FARS2: variants seen among roughly 807,000 people sequenced by gnomAD.
FARS2 encodes the protein phenylalanine--tRNA ligase, mitochondrial.
A neutral mutation model predicts 46.4 loss-of-function variants in FARS2; 40 were observed. The observed-to-expected ratio is 0.86, with a 90% confidence interval of 0.67 to 1.12. The LOEUF (loss-of-function observed/expected upper bound fraction) is 1.12, where lower values mean the gene tolerates loss of function less well. Among genes scored for constraint, FARS2 ranks in the 50% most tolerant of loss-of-function variants. The probability of loss-of-function intolerance (pLI) is 0.00; values close to 1 mark genes in which losing one functional copy is unlikely to be tolerated. For missense variants in FARS2, 513 were observed against 567.9 expected, an observed-to-expected ratio of 0.90 and a Z score of 0.98; for synonymous variants, 234 against 214.9, an observed-to-expected ratio of 1.09 and a Z score of -0.78.
At chr6:5,603,839 T>G (rs1774677795) in intron 5 of FARS2, among the ~76,000 whole-genome samples, 1 of 152,202 alleles carries the variant, frequency 6.6e-6, no homozygotes, top group Non-Finnish European at 1.5e-5. Flanking sequence ...CCACATTATC[T>G]TTTTTTGGGA....
At chr6:5,511,995 G>GT (rs1424281111) in intron 4 of FARS2, among the ~76,000 whole-genome samples, 1 of 152,150 alleles carries the variant, frequency 6.6e-6, no homozygotes, top group Non-Finnish European at 1.5e-5. Flanking sequence ...TTTCTCTTTT[G>GT]TGAGTATATT....
chr6:5,413,163 A>T (rs1762034061), intron 3 of FARS2, among the ~76,000 whole-genome samples: 1 of 152,184 alleles, frequency 6.6e-6, no homozygotes, highest in Non-Finnish European at 1.5e-5. Flanking sequence ...CTCTTTAGAG[A>T]AAGGTTGAGA....
intron 6 of FARS2, among the ~76,000 whole-genome samples, chr6:5,736,521 A>T (rs1760964485): frequency 6.6e-6 from 1 of 152,240 alleles, no homozygotes; most frequent in East Asian, 1.9e-4. Context: ...CAAATAGGGC[A>T]AGCAGCCCTT....
At chr6:5,459,658 TA>T (rs1006141769) in intron 4 of FARS2, among the ~76,000 whole-genome samples, 1 of 152,030 alleles carries the variant, frequency 6.6e-6, no homozygotes, top group Non-Finnish European at 1.5e-5. Context: ...TTACTCTTTT[TA>T]AAAAAAGACT....
Position 5,529,238 on chromosome 6 carries a change from C to T in FARS2, c.905-15942C>T, listed in dbSNP as rs370550786. On this transcript the variant is annotated intron_variant, in intron 4 of 6. Coordinates refer to ENST00000274680, the MANE Select transcript of FARS2 (RefSeq NM_006567.5). ...GTGATGAGCAAGTCAATGTTTCTTT[C>T]TCCTTCCTTTATATGGTATTGTTTG... Among the ~76,000 whole-genome samples, 267 of 152,250 alleles carry T rather than the reference C, an allele frequency of 1.8e-3. 1 individual carries two copies. The highest frequency in any genetic ancestry group is 3.5e-3 in the Admixed American group (53 of 15,290).
In FARS2 at chr6:5,311,126, T is replaced by C. The variant is rs941754178; in HGVS notation, c.-22+49466T>C. On this transcript the variant is annotated intron_variant, in intron 1 of 6. Coordinates refer to ENST00000274680, the MANE Select transcript of FARS2 (RefSeq NM_006567.5). This position sits in a 1 kb window ranked among gnomAD's most constrained non-coding sequence, Gnocchi z 4.1. ...GAGGCACTGGTTAAATAAATCATGG[T>C]GCATCCAGGTGATGATATGGTTTGT... 1.2e-4 allele frequency among the ~76,000 whole-genome samples: 19 copies of C among 152,216 alleles called. No homozygotes were observed. Among genetic ancestry groups the C allele is most frequent in the Non-Finnish European group, 5.9e-5 (4 of 68,034 alleles).
chr6:5,698,742 G>A (rs1339934559), intron 6 of FARS2, among the ~76,000 whole-genome samples: 1 of 152,158 alleles, frequency 6.6e-6, no homozygotes, highest in African/African-American at 2.4e-5. Flanking sequence ...TATCAGTCAG[G>A]ATCGCCCAGG....
At chr6:5,354,038 A>G (rs966919407) in intron 1 of FARS2, among the ~76,000 whole-genome samples, 17 of 149,474 alleles carry the variant, frequency 1.1e-4, no homozygotes, top group African/African-American at 3.7e-4. Flanking sequence ...CCCAAATCTT[A>G]CTATGTTAAC....
chr6:5,471,135 C>G lies in FARS2; in HGVS notation c.904+39963C>G, dbSNP rs369294331. Among the ~76,000 whole-genome samples, 79 of 152,262 alleles carry G rather than the reference C, an allele frequency of 5.2e-4. No individual in the cohort carries two copies. The highest frequency in any genetic ancestry group is 3.4e-3 in the Middle Eastern group (1 of 294). On this transcript the variant is annotated intron_variant, in intron 4 of 6. Transcript: ENST00000274680. This position sits in a 1 kb window ranked among gnomAD's most constrained non-coding sequence, Gnocchi z 4.1. ...GGTTTCAGCCACTGAGAGACTGACC[C>G]AGAAGCAGCAGTAGAGGGCGCTCGG...
intron 3 of FARS2, 59 bp from the exon 4 acceptor site, chr6:5,430,982 A>G (rs1314538279): frequency 1.9e-6 from 3 of 1,559,454 alleles, no homozygotes; most frequent in Admixed American, 3.6e-5. Flanking sequence ...AAATTTGATC[A>G]CAAGAAAGGG....
intron 4 of FARS2, among the ~76,000 whole-genome samples, chr6:5,519,939 G>A (rs1769027990): frequency 6.6e-6 from 1 of 152,176 alleles, no homozygotes; most frequent in South Asian, 2.1e-4. Flanking sequence ...AAGCTCAGAA[G>A]TTTTAGCAGT....
At chr6:5,743,770 C>G (rs1168744982) in intron 6 of FARS2, among the ~76,000 whole-genome samples, 1 of 152,204 alleles carries the variant, frequency 6.6e-6, no homozygotes, top group Non-Finnish European at 1.5e-5. Flanking sequence ...TGAAAACATG[C>G]TGAGTTCAAA....
At chr6:5,269,154 A>G (rs1005310557) in intron 1 of FARS2, among the ~76,000 whole-genome samples, 3 of 152,244 alleles carry the variant, frequency 2.0e-5, no homozygotes, top group Admixed American at 2.0e-4. Context: ...AATACTATGC[A>G]GCCATAAAAA....
intron 4 of FARS2, among the ~76,000 whole-genome samples, chr6:5,441,285 T>G (rs946287050): frequency 6.6e-6 from 1 of 152,122 alleles, no homozygotes; most frequent in Non-Finnish European, 1.5e-5. Context: ...GTTTTTCTTT[T>G]TATTCTTTCA....
At chr6:5,667,533 A>AT (rs748532838) in intron 6 of FARS2, among the ~76,000 whole-genome samples, 3 of 128,040 alleles carry the variant, frequency 2.3e-5, no homozygotes, top group Admixed American at 7.7e-5. Flanking sequence ...AAAAAAAAAA[A>AT]GATTATATTC....
chr6:5,361,605 TG>T (rs1463582821), intron 1 of FARS2, among the ~76,000 whole-genome samples: 1 of 152,236 alleles, frequency 6.6e-6, no homozygotes, highest in Non-Finnish European at 1.5e-5. Context: ...TCTCTTGACT[TG>T]GCTTTGTATC....
At chr6:5,404,801 T>TA in intron 3 of FARS2, 100 bp downstream of exon 3, 3 of 872,790 alleles carry the variant, frequency 3.4e-6, no homozygotes, top group Non-Finnish European at 4.8e-6. Flanking sequence ...ATTTTGAAAT[T>TA]CTTTTTTTTT....
intron 4 of FARS2, among the ~76,000 whole-genome samples, chr6:5,461,003 T>C (rs1765210843): frequency 1.3e-5 from 2 of 152,002 alleles, no homozygotes; most frequent in African/African-American, 4.8e-5. Flanking sequence ...TGTGTGTGTG[T>C]TTATGGGCTT....
intron 5 of FARS2, among the ~76,000 whole-genome samples, chr6:5,605,517 C>T (rs938062986): frequency 6.6e-6 from 1 of 152,208 alleles, no homozygotes; most frequent in Non-Finnish European, 1.5e-5. Context: ...CCCAGACCAC[C>T]AAGTCAACTC....
Sources: gnomAD v4.1 joint callset for allele counts (sites outside exome capture counted in the v4.1 genomes callset) on GRCh38, gnomAD v4.1.1 for gene constraint, Gnocchi (gnomAD v3.1) non-coding constraint, MANE v1.5 for transcripts, NCBI Gene and HGNC (gene_info 2026-07-23, HGNC 2026-07-21) for gene names.